The following ATG7 variants were observed in gnomAD, a reference collection of about 807,000 sequenced individuals.
ATG7 encodes autophagy related 7.
ATG7 carries 70 observed loss-of-function variants against 82.4 expected under a neutral mutation model. That is an observed-to-expected ratio of 0.85 (90% CI 0.70 to 1.04). The LOEUF (loss-of-function observed/expected upper bound fraction) is 1.04. Among genes scored for constraint, ATG7 ranks in the 50% least tolerant of loss-of-function variants. The pLI is 0.00. For synonymous variants in ATG7, 287 were observed against 313.0 expected (o/e 0.92, Z 0.88); for missense variants, 792 against 864.3 (o/e 0.92, Z 1.05).
the ATG7 span, chr3:11,568,853 C>A: frequency 7.2e-7 from 1 of 1,381,676 alleles, no homozygotes; most frequent in Non-Finnish European, 9.4e-7. This position sits in a 1 kb window ranked among gnomAD's most constrained non-coding sequence, Gnocchi z 5.9. Flanking sequence ...CCGTGCCAGG[C>A]CTATCAGAGC....
intron 20 of ATG7, among the ~76,000 whole-genome samples, chr3:11,471,062 C>G (rs1371700066): frequency 6.6e-6 from 1 of 152,104 alleles, no homozygotes; most frequent in Non-Finnish European, 1.5e-5. Flanking sequence ...TAGAGCAGGC[C>G]CTAGCGAGCC....
Position 11,358,595 on chromosome 3 carries a change from G to A in ATG7, c.1462G>A (p.Ala488Thr), listed in dbSNP as rs747663990. 36 of 1,613,176 alleles carry A rather than the reference G, an allele frequency of 2.2e-5. No individual in the cohort carries two copies. Among genetic ancestry groups the A allele is most frequent in the Non-Finnish European group, 3.0e-5 (35 of 1,179,882 alleles). ...GAGCCGGTGGCTTCCTGCCGTCATT[G>A]CTGCAAGCAAGAGAAAGGTAGGCCC... The part of the protein sequence containing the change: ...RESRWLPAVI[A>T]ASKRKLVINA... The change falls in exon 15 of 21, where the codon GCT becomes ACT. Residue 488 changes from alanine to threonine, a missense_variant. By Grantham distance (58) the Ala-to-Thr change is moderately conservative (BLOSUM62 0). Coordinates refer to ENST00000693202, the MANE Select transcript of ATG7 (RefSeq NM_001349232.2).
At chr3:11,454,725 A>C (rs778863752) in intron 20 of ATG7, among the ~76,000 whole-genome samples, 57 of 152,348 alleles carry the variant, frequency 3.7e-4, no homozygotes, top group Non-Finnish European at 6.8e-4. Context: ...TCTACCTAAC[A>C]TCTAGCAGAA....
intron 20 of ATG7, among the ~76,000 whole-genome samples, chr3:11,499,647 T>G (rs894013286): frequency 1.3e-5 from 2 of 150,142 alleles, no homozygotes; most frequent in Non-Finnish European, 2.9e-5. Flanking sequence ...CTCGGGAGGC[T>G]GAGGCAGGAG....
chr3:11,439,540 G>A (rs1420115984), intron 20 of ATG7, among the ~76,000 whole-genome samples: 1 of 152,186 alleles, frequency 6.6e-6, no homozygotes, highest in Non-Finnish European at 1.5e-5. Context: ...TTCATGGTGT[G>A]GGAGTCAAAG....
chr3:11,483,479 A>T (rs1321538025), intron 20 of ATG7, among the ~76,000 whole-genome samples: 1 of 152,142 alleles, frequency 6.6e-6, no homozygotes, highest in East Asian at 1.9e-4. Context: ...GGGGGTAGGG[A>T]ATACATTTGA....
At position 11,299,396 on chromosome 3, in the gene ATG7, G is replaced by T; in HGVS notation, c.195G>T (p.Leu65Phe). 1.9e-6 allele frequency: 3 copies of T among 1,612,138 alleles called. No homozygotes were observed. Among genetic ancestry groups the T allele is most frequent in the Non-Finnish European group, 2.5e-6 (3 of 1,178,224 alleles). ...CTGGGCTGCCAGCTCGCTTAACATT[G>T]GAGTTCAGTGCTTTTGACATGTGAG... Reference protein sequence around the residue: ...DSAGLPARLTLEFSAFDMSAP... With the variant: ...DSAGLPARLTFEFSAFDMSAP... Residue 65 changes from leucine (L) to phenylalanine (F), a missense_variant, in exon 5 of 21, where the codon TTG becomes TTT. Transcript: ENST00000693202.
At chr3:11,458,238 A>G (rs2085939086) in intron 20 of ATG7, among the ~76,000 whole-genome samples, 1 of 151,972 alleles carries the variant, frequency 6.6e-6, no homozygotes. Flanking sequence ...TAAGTGGAAC[A>G]CAGGCTTAGA....
chr3:11,486,979 C>T (rs867569178), intron 20 of ATG7, among the ~76,000 whole-genome samples: 1 of 151,616 alleles, frequency 6.6e-6, no homozygotes, highest in African/African-American at 2.4e-5. Flanking sequence ...GAGGACCCTG[C>T]GGCCTTCCGC....
In ATG7 at chr3:11,274,875, T is replaced by TG. The variant is rs1424927089; in HGVS notation, c.-366+2450dup. Among the ~76,000 whole-genome samples the TG allele has an allele frequency of 6.0e-5, 9 of 150,588 alleles. 1 individual carries two copies. The highest frequency in any genetic ancestry group is 5.3e-4 in the Admixed American group (8 of 15,060). On this transcript the variant is annotated intron_variant, in intron 1 of 20. Transcript: ENST00000693202. ...GCCCAGAAGTTTGGACTCTAAAATG[T>TG]GGGGGCGGGGGTGGAGAGCAGGACA...
chr3:11,277,021 C>T (rs1046040685), intron 1 of ATG7, among the ~76,000 whole-genome samples: 5 of 152,190 alleles, frequency 3.3e-5, no homozygotes, highest in Admixed American at 2.6e-4. Flanking sequence ...TGAGAGTCAT[C>T]TCAGACTCTT....
intron 20 of ATG7, among the ~76,000 whole-genome samples, chr3:11,519,593 T>A (rs1257757341): frequency 7.8e-6 from 1 of 128,596 alleles, no homozygotes; most frequent in Non-Finnish European, 1.6e-5. Flanking sequence ...GGAGTCTCTC[T>A]CTGTCGCCCA....
At chr3:11,370,541 T>C (rs1393388774) in intron 18 of ATG7, among the ~76,000 whole-genome samples, 1 of 151,218 alleles carries the variant, frequency 6.6e-6, no homozygotes, top group Middle Eastern at 3.2e-3. Flanking sequence ...TTAGAAATAT[T>C]GCCAGGCCTG....
chr3:11,488,567 G>A (rs959892640), intron 20 of ATG7: 42 of 804,652 alleles, frequency 5.2e-5, no homozygotes, highest in African/African-American at 4.8e-4. Context: ...CACCACCCGC[G>A]GCCACCATGG....
intron 19 of ATG7, among the ~76,000 whole-genome samples, chr3:11,408,727 C>G (rs573154166): frequency 6.6e-6 from 1 of 152,224 alleles, no homozygotes; most frequent in African/African-American, 2.4e-5. Flanking sequence ...TTGTGTGACC[C>G]ATTAACTATC....
At chr3:11,527,047 G>A (rs1351500153) in intron 20 of ATG7, among the ~76,000 whole-genome samples, 11 of 60,304 alleles carry the variant, frequency 1.8e-4, no homozygotes, top group Admixed American at 1.5e-3. Context: ...ATATATGTGT[G>A]TGTGTGTGTG....
intron 13 of ATG7, among the ~76,000 whole-genome samples, chr3:11,344,221 C>G (rs1435168951): frequency 1.3e-5 from 2 of 152,166 alleles, no homozygotes; most frequent in African/African-American, 4.8e-5. Flanking sequence ...GTATTCCTCA[C>G]CAACACTTAT....
chr3:11,414,463 T>A (rs2081194801), intron 19 of ATG7, among the ~76,000 whole-genome samples: 10 of 152,224 alleles, frequency 6.6e-5, no homozygotes, highest in Admixed American at 6.5e-4. Context: ...TTATTTGGAT[T>A]TTCTACGTGG....
chr3:11,558,437 T>C (rs1367275695), downstream of ATG7: 5 of 1,402,506 alleles, frequency 3.6e-6, no homozygotes, highest in Non-Finnish European at 4.7e-6. Flanking sequence ...TTTTTGCAAA[T>C]AAACCATCCC....
Sources: gnomAD v4.1 joint callset for allele counts (sites outside exome capture counted in the v4.1 genomes callset) on GRCh38, gnomAD v4.1.1 for gene constraint, Gnocchi (gnomAD v3.1) non-coding constraint, MANE v1.5 for transcripts, NCBI Gene and HGNC (gene_info 2026-07-23, HGNC 2026-07-21) for gene names.